Variants in WDR4 observed in about 807,000 individuals in gnomAD.
WDR4 encodes the protein tRNA (guanine-N(7)-)-methyltransferase non-catalytic subunit WDR4.
In WDR4, 47 loss-of-function variants were observed where a neutral mutation model predicts 48.6. That is an observed-to-expected ratio of 0.97 (90% CI 0.77 to 1.23). The LOEUF (loss-of-function observed/expected upper bound fraction) is 1.23, where lower values mean the gene tolerates loss of function less well. WDR4 is among the 50% of genes most tolerant of loss of function. The pLI, the probability that WDR4 is intolerant of heterozygous loss-of-function variation, is 0.00. For synonymous variants in WDR4, 268 were observed against 230.0 expected, an observed-to-expected ratio of 1.17 and a Z score of -1.49; for missense variants, 606 against 551.6, an observed-to-expected ratio of 1.10 and a Z score of -0.99.
chr21:42,859,519 C>T (rs919074471), intron 6 of WDR4, 143 bp downstream of exon 6: 89 of 848,672 alleles, frequency 1.0e-4, no homozygotes, highest in Non-Finnish European at 1.4e-4. Context: ...GGGAGCGAGC[C>T]GCAGGCAGCT....
the WDR4 span, among the ~76,000 whole-genome samples, chr21:42,890,925 G>A: frequency 6.6e-6 from 1 of 152,152 alleles, no homozygotes; most frequent in African/African-American, 2.4e-5. Context: ...CTCCCAACCA[G>A]GCTGCATAGG....
chr21:42,871,270 G>A (rs2058363964), intron 3 of WDR4, among the ~76,000 whole-genome samples: 1 of 152,188 alleles, frequency 6.6e-6, no homozygotes, highest in Non-Finnish European at 1.5e-5. Flanking sequence ...CCTAGTCTGT[G>A]GTATCTTGTT....
At chr21:42,881,055 G>T (rs1001259847), upstream of WDR4, among the ~76,000 whole-genome samples, 1 of 151,700 alleles carries the variant, frequency 6.6e-6, no homozygotes, top group South Asian at 2.1e-4. Context: ...ACAGGCGCCC[G>T]CCACCACGCC....
chr21:42,844,396 T>C (rs974703408), downstream of WDR4, among the ~76,000 whole-genome samples: 22 of 152,206 alleles, frequency 1.4e-4, no homozygotes, highest in Non-Finnish European at 2.8e-4. Context: ...ATGACTATCA[T>C]GTATCAGTCA....
intron 3 of WDR4, among the ~76,000 whole-genome samples, chr21:42,871,592 C>T (rs1466249531): frequency 3.3e-5 from 5 of 152,186 alleles, no homozygotes; most frequent in Admixed American, 2.0e-4. Flanking sequence ...AAAGATGACG[C>T]GATCCACAGC....
chr21:42,862,411 C>G lies in WDR4; in HGVS notation c.454-17G>C. ...ACTCACAGCCTGCATCACCAGGGGC[C>G]AGAAAAGAAAAAGCCGCTCACCTGA... On this transcript the variant is annotated splice_polypyrimidine_tract_variant and intron_variant, in intron 4 of 10. Coordinates refer to ENST00000398208, the MANE Select transcript of WDR4 (RefSeq NM_018669.6). This position sits in a 1 kb window ranked among gnomAD's most constrained non-coding sequence, Gnocchi z 4.3. 3.2e-6 allele frequency: 5 copies of G among 1,584,032 alleles called. No homozygotes were observed. The highest frequency in any genetic ancestry group is 4.3e-6 in the Non-Finnish European group (5 of 1,164,368).
intron 9 of WDR4, among the ~76,000 whole-genome samples, chr21:42,853,239 G>T (rs1443713317): frequency 2.6e-5 from 4 of 152,146 alleles, no homozygotes; most frequent in African/African-American, 9.7e-5. Flanking sequence ...TGCTAATCCA[G>T]CCTCCAAGTG....
At chr21:42,843,854 T>A (rs763107368) in intron 11 of WDR4, among the ~76,000 whole-genome samples, 1 of 152,144 alleles carries the variant, frequency 6.6e-6, no homozygotes, top group Non-Finnish European at 1.5e-5. Flanking sequence ...CCACCGCACC[T>A]GACCTTTTTA....
the WDR4 span, among the ~76,000 whole-genome samples, chr21:42,885,293 A>G: frequency 3.3e-5 from 5 of 151,996 alleles, no homozygotes; most frequent in African/African-American, 9.7e-5. Flanking sequence ...GGGTATTCAT[A>G]GCCCTTTATT....
intron 3 of WDR4, among the ~76,000 whole-genome samples, chr21:42,870,906 A>G (rs2058356525): frequency 6.6e-6 from 1 of 152,226 alleles, no homozygotes; most frequent in Admixed American, 6.5e-5. Context: ...TACAGCAGCC[A>G]GTGTCCGAAA....
intron 3 of WDR4, among the ~76,000 whole-genome samples, chr21:42,864,676 T>C (rs894188128): frequency 2.0e-5 from 3 of 152,230 alleles, no homozygotes; most frequent in Non-Finnish European, 4.4e-5. Flanking sequence ...GTTTGCACAC[T>C]GCTTCAGCAA....
intron 3 of WDR4, among the ~76,000 whole-genome samples, chr21:42,869,683 A>G (rs2058325463): frequency 6.6e-6 from 1 of 152,174 alleles, no homozygotes; most frequent in South Asian, 2.1e-4. Context: ...AAAAAAGTTT[A>G]CAAAACACAA....
At chr21:42,859,596 C>CTGGG in intron 6 of WDR4, 66 bp downstream of exon 6, 1 of 467,726 alleles carries the variant, frequency 2.1e-6, no homozygotes, top group Non-Finnish European at 3.9e-6. Context: ...GTCCAGGAGG[C>CTGGG]GCCCACCCCA....
In WDR4 at chr21:42,863,559, C is replaced by A. The variant is rs764306533; in HGVS notation, c.334G>T (p.Ala112Ser). 122 of 1,613,846 alleles carry A rather than the reference C, an allele frequency of 7.6e-5. No individual in the cohort carries two copies. The highest frequency in any genetic ancestry group is 9.7e-5 in the Non-Finnish European group (115 of 1,180,004). Reference protein sequence around the residue: ...ARRCTALTFIASEEKVLVADK... With the variant: ...ARRCTALTFISSEEKVLVADK... ...GCCACCAAGACCTTCTCCTCCGAGG[C>A]TATGAAAGTCAGGGCTGTACACCTC... is the stretch of plus-strand genomic sequence containing the variant. The change falls in exon 4 of 11, where the codon GCC (alanine) becomes TCC (serine). Residue 112 changes from alanine to serine, a missense_variant. Physicochemically the swap from Ala to Ser is moderately conservative, Grantham distance 99 (BLOSUM62 1). Transcript: ENST00000398208.
intron 3 of WDR4, among the ~76,000 whole-genome samples, chr21:42,866,286 G>A (rs2058244331): frequency 6.6e-6 from 1 of 152,160 alleles, no homozygotes; most frequent in South Asian, 2.1e-4. Context: ...AAGAATCGTT[G>A]CTGCCCACAA....
rs764109211 is a variant in WDR4, at chr21:42,862,428, C to T, written c.454-34G>A. On this transcript the variant is annotated intron_variant, in intron 4 of 10. Transcript: ENST00000398208. This position sits in a 1 kb window ranked among gnomAD's most constrained non-coding sequence, Gnocchi z 4.3. ...CCAGGGGCCAGAAAAGAAAAAGCCG[C>T]TCACCTGAGTCTTCCCGAATCAAGT... 3.9e-6 allele frequency: 6 copies of T among 1,548,306 alleles called. No individual in the cohort carries two copies. The highest frequency in any genetic ancestry group is 5.3e-6 in the Non-Finnish European group (6 of 1,140,732).
Position 42,862,771 on chromosome 21 carries a change from T to C in WDR4, c.454-377A>G, listed in dbSNP as rs564913434. ...CTGGGTTGCCTTCCTTGCCTTCCTG[T>C]CACACATGTCCCCACACCCATCTGT... is the stretch of plus-strand genomic sequence containing the variant. On this transcript the variant is annotated intron_variant, in intron 4 of 10. Coordinates refer to ENST00000398208, the MANE Select transcript of WDR4 (RefSeq NM_018669.6). The surrounding 1 kb of genome is among the most constrained non-coding windows in gnomAD (Gnocchi z 4.3). Among the ~76,000 whole-genome samples, 1 of 152,208 alleles carries C rather than the reference T, an allele frequency of 6.6e-6. No individual in the cohort carries two copies. Among genetic ancestry groups the C allele is most frequent in the East Asian group, 1.9e-4 (1 of 5,176 alleles).
intron 2 of WDR4, 55 bp downstream of exon 2, chr21:42,876,647 G>T: frequency 6.5e-7 from 1 of 1,535,858 alleles, no homozygotes; most frequent in Non-Finnish European, 8.9e-7. Context: ...TAGACCCTCT[G>T]GTCCCATTAT....
intron 5 of WDR4, among the ~76,000 whole-genome samples, chr21:42,860,194 G>A (rs2058084826): frequency 1.3e-5 from 2 of 152,292 alleles, no homozygotes; most frequent in Middle Eastern, 6.8e-3. Flanking sequence ...GGTGGAGGGA[G>A]GAGGGCAGCC....
Sources: gnomAD v4.1 joint callset for allele counts (sites outside exome capture counted in the v4.1 genomes callset) on GRCh38, gnomAD v4.1.1 for gene constraint, Gnocchi (gnomAD v3.1) non-coding constraint, MANE v1.5 for transcripts, NCBI Gene and HGNC (gene_info 2026-07-23, HGNC 2026-07-21) for gene names.